YBX2: variants seen among roughly 807,000 people sequenced by gnomAD.
YBX2 encodes Y-box-binding protein 2.
YBX2 carries 5 observed loss-of-function variants against 44.4 expected under a neutral mutation model. That is an observed-to-expected ratio of 0.11 (90% CI 0.06 to 0.24). YBX2 has a LOEUF of 0.24. YBX2 is among the 10% of genes least tolerant of loss of function. The pLI, the probability that YBX2 is intolerant of heterozygous loss-of-function variation, is 1.00. For synonymous variants in YBX2, 188 were observed against 216.1 expected, an observed-to-expected ratio of 0.87 and a Z score of 1.14; for missense variants, 417 against 526.9, an observed-to-expected ratio of 0.79 and a Z score of 2.04.
rs758115555 is a variant in YBX2, at chr17:7,289,968, C to T, written c.848G>A (p.Arg283Lys). The T allele has an allele frequency of 6.2e-7, 1 of 1,614,200 alleles. No individual in the cohort carries two copies. Among genetic ancestry groups the T allele is most frequent in the Non-Finnish European group, 8.5e-7 (1 of 1,180,012 alleles). The change falls in exon 6 of 9, where the codon AGG becomes AAG. Residue 283 changes from arginine to lysine, a missense_variant and splice_region_variant. Arg to Lys is a conservative substitution (Grantham distance 26). Around this residue, in one of 3 missense-constraint regions of YBX2, gnomAD observed 257 missense variants for 261.7 expected, o/e 0.98. Transcript: ENST00000007699. ...PPPRFRPRYR[R>K]PFRPRPRQQP... ...CCAAGCCCCAGCAGGGGGGTCTTAC[C>T]TTCGGTACCTGGGCCGGAATCTGGG...
chr17:7,290,975 A>G, intron 4 of YBX2, 118 bp downstream of exon 4: 1 of 981,700 alleles, frequency 1.0e-6, no homozygotes, highest in South Asian at 1.3e-5. Flanking sequence ...GAGAGAACAC[A>G]GTCCCATTCC....
chr17:7,289,790 G>C, intron 6 of YBX2, 65 bp from the exon 7 acceptor site: 1 of 1,603,664 alleles, frequency 6.2e-7, no homozygotes, highest in South Asian at 1.1e-5. Flanking sequence ...TCACCCAGCT[G>C]CCCCACCCCA....
In YBX2 at chr17:7,291,898, C is replaced by T. The variant is rs2072504007; in HGVS notation, c.369+128G>A. 8.3e-7 allele frequency: 1 copy of T among 1,205,468 alleles called. No individual in the cohort carries two copies. The highest frequency in any genetic ancestry group is 1.8e-5 in the Admixed American group (1 of 56,814). 74.7% of individuals were successfully genotyped at this position (1,205,468 alleles called of 1,614,324 possible). ...TGCGGCTAATGGTGGTTGACACAGGCACCCAAGGCGGATGGGCCGTTGTGA... is the reference window on the plus strand; with the variant it reads ...TGCGGCTAATGGTGGTTGACACAGGTACCCAAGGCGGATGGGCCGTTGTGA... On this transcript the variant is annotated intron_variant, in intron 3 of 8. Coordinates refer to ENST00000007699, the MANE Select transcript of YBX2 (RefSeq NM_015982.4). This position sits in a 1 kb window ranked among gnomAD's most constrained non-coding sequence, Gnocchi z 5.8.
chr17:7,292,205 G>C lies in YBX2; in HGVS notation c.336-146C>G, dbSNP rs1242862795. On this transcript the variant is annotated intron_variant, in intron 2 of 8. Transcript: ENST00000007699. Reference sequence around the variant, plus strand: ...GGGGTGGACATGGCCTGGGGAATGGGAGGGAGAGCCAGCAGGGCCCCCAGA... The same window carrying C: ...GGGGTGGACATGGCCTGGGGAATGGCAGGGAGAGCCAGCAGGGCCCCCAGA... 19 of 919,916 alleles carry C rather than the reference G, an allele frequency of 2.1e-5. No individual in the cohort carries two copies. In the Admixed American group the frequency reaches 3.5e-4, roughly 17 times the overall value. 57.0% of individuals were successfully genotyped at this position (919,916 alleles called of 1,614,324 possible).
chr17:7,292,348 C>G, intron 2 of YBX2: 1 of 433,866 alleles, frequency 2.3e-6, no homozygotes, highest in South Asian at 2.5e-5. Flanking sequence ...CTGCCCCTGC[C>G]GGGACTCCAC....
chr17:7,294,198 T>C lies in YBX2; in HGVS notation c.271+32A>G. The C allele has an allele frequency of 8.1e-7, 1 of 1,227,824 alleles. No homozygotes were observed. Among genetic ancestry groups the C allele is most frequent in the Non-Finnish European group, 1.0e-6 (1 of 986,990 alleles). The allele number at this position is 1,227,824 out of a possible 1,614,324, so 76.1% of individuals were successfully genotyped here. On this transcript the variant is annotated intron_variant, in intron 1 of 8. Coordinates refer to ENST00000007699, the MANE Select transcript of YBX2 (RefSeq NM_015982.4). This position sits in a 1 kb window ranked among gnomAD's most constrained non-coding sequence, Gnocchi z 4.6. ...GCCCCTCCCCCAGCCCGCCGACCCC[T>C]CAGAGCCGCCCTGTGCGCGCCTGCC...
At position 7,288,477 on chromosome 17, in the gene YBX2, C is replaced by A. The variant is rs1439278349; in HGVS notation, c.*206G>T. 1.8e-5 allele frequency: 6 copies of A among 339,810 alleles called. No individual in the cohort carries two copies. Among genetic ancestry groups the A allele is most frequent in the Admixed American group, 4.4e-5 (1 of 22,854 alleles). 21.0% of individuals were successfully genotyped at this position (339,810 alleles called of 1,614,324 possible). A position where few individuals can be genotyped will look rare whatever the true frequency, so the allele number is the denominator to read the frequency against. Reference sequence around the variant, plus strand: ...TAAGGATGGCTCCCTTCCTTCAACCCTTGATAAGGGGAGGGAAGAAAAAAG... The same window carrying A: ...TAAGGATGGCTCCCTTCCTTCAACCATTGATAAGGGGAGGGAAGAAAAAAG... On this transcript the variant is annotated 3_prime_UTR_variant, in exon 9 of 9. Coordinates refer to ENST00000007699, the MANE Select transcript of YBX2 (RefSeq NM_015982.4).
At position 7,290,026 on chromosome 17, in the gene YBX2, G is replaced by A. The variant is rs2072488991; in HGVS notation, c.790C>T (p.His264Tyr). ...EPKETAPLEG[H>Y]QQQGDERVPP... ...ACTCGCTCATCTCCCTGCTGTTGGT[G>A]CCCCTCCAATGGGGCTGTCTCTTTG... Residue 264 changes from histidine to tyrosine, a missense_variant, in exon 6 of 9, where the codon CAC becomes TAC. Physicochemically the swap from His to Tyr is moderately conservative, Grantham distance 83. Coordinates refer to ENST00000007699, the MANE Select transcript of YBX2 (RefSeq NM_015982.4). The A allele has an allele frequency of 6.2e-7, 1 of 1,614,244 alleles. No individual in the cohort carries two copies. Among genetic ancestry groups the A allele is most frequent in the Non-Finnish European group, 8.5e-7 (1 of 1,180,036 alleles).
Position 7,294,259 on chromosome 17 carries a change from G to T in YBX2, c.242C>A (p.Ala81Asp). The T allele has an allele frequency of 7.9e-7, 1 of 1,273,728 alleles. No homozygotes were observed. Among genetic ancestry groups the T allele is most frequent in the Middle Eastern group, 3.0e-4 (1 of 3,330 alleles). The allele number at this position is 1,273,728 out of a possible 1,614,324, so 78.9% of individuals were successfully genotyped here. The change falls in exon 1 of 9, where the codon GCC (alanine) becomes GAC (aspartate). Residue 81 changes from alanine to aspartate, a missense_variant. Ala to Asp is a moderately radical substitution (Grantham distance 126). Coordinates refer to ENST00000007699, the MANE Select transcript of YBX2 (RefSeq NM_015982.4). The surrounding 1 kb of genome is among the most constrained non-coding windows in gnomAD (Gnocchi z 4.6). ...TAVSGTPAPP[A>D]RSQADKPVLA... is the part of the protein sequence containing the mutation. ...CACCGGCTTGTCCGCCTGACTCCGG[G>T]CCGGGGGGGCGGGGGTTCCCGAGAC...
Position 7,291,430 on chromosome 17 carries a change from C to A in YBX2, c.370-248G>T. The A allele has an allele frequency of 1.8e-6, 1 of 547,060 alleles. No homozygotes were observed. Among genetic ancestry groups the A allele is most frequent in the Non-Finnish European group, 3.3e-6 (1 of 304,294 alleles). The allele number at this position is 547,060 out of a possible 1,614,324, so 33.9% of individuals were successfully genotyped here. A position where few individuals can be genotyped will look rare whatever the true frequency, so the allele number is the denominator to read the frequency against. On this transcript the variant is annotated intron_variant, in intron 3 of 8. Transcript: ENST00000007699. This position sits in a 1 kb window ranked among gnomAD's most constrained non-coding sequence, Gnocchi z 5.8. ...ACCTCCCCTCCCGCCCCGCTTTACC[C>A]CTCAGGGATTTCAGAAAGGGAGGCA...
Position 7,294,508 on chromosome 17 carries a change from G to C in YBX2, c.-8C>G. 2 of 1,456,992 alleles carry C rather than the reference G, an allele frequency of 1.4e-6. No homozygotes were observed. The highest frequency in any genetic ancestry group is 1.8e-6 in the Non-Finnish European group (2 of 1,106,006). 90.3% of individuals were successfully genotyped at this position (1,456,992 alleles called of 1,614,324 possible). ...CGCCTCCACCTCGCTCATCCCGCCG[G>C]GTCCAGTACCGGCCACAGCCGCCAC... On this transcript the variant is annotated 5_prime_UTR_variant, in exon 1 of 9. Transcript: ENST00000007699. This position sits in a 1 kb window ranked among gnomAD's most constrained non-coding sequence, Gnocchi z 4.6.
intron 5 of YBX2, 68 bp downstream of exon 5, chr17:7,290,183 C>G: frequency 6.2e-7 from 1 of 1,611,322 alleles, no homozygotes; most frequent in Non-Finnish European, 8.5e-7. Context: ...GACCCATGGT[C>G]TCTATCCTAA....
chr17:7,289,476 G>T (rs1011689453), intron 7 of YBX2, 54 bp downstream of exon 7: 12 of 1,553,612 alleles, frequency 7.7e-6, no homozygotes, highest in East Asian at 2.4e-5. Context: ...AGGAGCAGGT[G>T]GGGGAGGGAG....
At chr17:7,292,835 G>C (rs2072511428) in intron 2 of YBX2, 1 of 158,676 alleles carries the variant, frequency 6.3e-6, no homozygotes, top group Non-Finnish European at 1.4e-5. Flanking sequence ...AGGTCAGCCT[G>C]CTAAGAGGGA....
Position 7,288,531 on chromosome 17 carries a change from T to C in YBX2, c.*152A>G. 1 of 482,128 alleles carries C rather than the reference T, an allele frequency of 2.1e-6. No homozygotes were observed. Among genetic ancestry groups the C allele is most frequent in the Non-Finnish European group, 3.8e-6 (1 of 263,314 alleles). The allele number at this position is 482,128 out of a possible 1,614,324, so 29.9% of individuals were successfully genotyped here. Reference sequence around the variant, plus strand: ...AAGCAAAAGGCTGCTGCTTTGGTCCTCCTGAGTCTCAAGGAAAAGGTGAAA... The same window carrying C: ...AAGCAAAAGGCTGCTGCTTTGGTCCCCCTGAGTCTCAAGGAAAAGGTGAAA... On this transcript the variant is annotated 3_prime_UTR_variant, in exon 9 of 9. Transcript: ENST00000007699.
intron 5 of YBX2, 33 bp downstream of exon 5, chr17:7,290,218 G>A (rs2143005583): frequency 1.2e-6 from 2 of 1,606,716 alleles, no homozygotes; most frequent in South Asian, 1.1e-5. Context: ...CTGAACTTGG[G>A]GAACTGGCTC....
Position 7,290,002 on chromosome 17 carries a change from C to T in YBX2, c.814G>A (p.Val272Ile). The change falls in exon 6 of 9, where the codon GTC becomes ATC. Residue 272 changes from valine to isoleucine, a missense_variant. Coordinates refer to ENST00000007699, the MANE Select transcript of YBX2 (RefSeq NM_015982.4). ...EGHQQQGDER[V>I]PPPRFRPRYR... ...CTGGGCCGGAATCTGGGCGGGGGGA[C>T]TCGCTCATCTCCCTGCTGTTGGTGC... is the stretch of plus-strand genomic sequence containing the variant. The T allele has an allele frequency of 1.2e-6, 2 of 1,614,240 alleles. No individual in the cohort carries two copies. The highest frequency in any genetic ancestry group is 1.7e-6 in the Non-Finnish European group (2 of 1,180,032).
chr17:7,292,516 A>T (rs1310727029), intron 2 of YBX2: 1 of 206,682 alleles, frequency 4.8e-6, no homozygotes, highest in African/African-American at 2.3e-5. Flanking sequence ...GAGGGGCAGA[A>T]CAAGTTTGAG....
At chr17:7,293,738 G>C (rs565643998) in intron 1 of YBX2, 200 bp from the exon 2 acceptor site, 81 of 1,052,870 alleles carry the variant, frequency 7.7e-5, no homozygotes, top group Non-Finnish European at 1.1e-4. Flanking sequence ...ACCCACACAG[G>C]GACTCAGGCT....
Sources: gnomAD v4.1 joint callset for allele counts on GRCh38, gnomAD v4.1.1 for gene constraint, gnomAD v4.1.1 regional missense constraint, Gnocchi (gnomAD v3.1) non-coding constraint, MANE v1.5 for transcripts, NCBI Gene and HGNC (gene_info 2026-07-23, HGNC 2026-07-21) for gene names.